The following CAP2 variants were observed in gnomAD, a reference collection of about 807,000 sequenced individuals.
The protein encoded by CAP2 is cyclase associated actin cytoskeleton regulatory protein 2.
A neutral mutation model predicts 57.7 loss-of-function variants in CAP2; 24 were observed. The ratio of observed to expected loss-of-function variants is 0.42; its 90% CI spans 0.30 to 0.58. The LOEUF (loss-of-function observed/expected upper bound fraction) is 0.58, where lower values mean the gene tolerates loss of function less well. CAP2 is among the 20% of genes least tolerant of loss of function. The pLI, the probability that CAP2 is intolerant of heterozygous loss-of-function variation, is 0.22. For synonymous variants in CAP2, 194 were observed against 207.2 expected (o/e 0.94, Z 0.55); for missense variants, 501 against 590.3 (o/e 0.85, Z 1.57).
rs1162541710 is a variant in CAP2, at chr6:17,464,429, C to A, written c.300+1356C>A. On this transcript the variant is annotated intron_variant, in intron 4 of 12. Transcript: ENST00000229922. ...CAGAACTTTGACCTTCAGGGGATGACACTCAGCTCCATAAAGAGGCAAGAC... is the reference window on the plus strand; with the variant it reads ...CAGAACTTTGACCTTCAGGGGATGAAACTCAGCTCCATAAAGAGGCAAGAC... Among the ~76,000 whole-genome samples the A allele has an allele frequency of 9.9e-5, 15 of 152,252 alleles. 1 individual carries two copies. Among genetic ancestry groups the A allele is most frequent in the African/African-American group, 3.6e-4 (15 of 41,532 alleles).
chr6:17,450,934 G>T lies in CAP2; in HGVS notation c.223-12062G>T, dbSNP rs138467640. 2.6e-5 allele frequency among the ~76,000 whole-genome samples: 4 copies of T among 152,310 alleles called. No individual in the cohort carries two copies. In the East Asian group the frequency reaches 5.8e-4, roughly 22 times the overall value. ...TGTGATTTGGTTGGTATTTGAGCAG[G>T]CCAGAGTCTTTAAATTAACTTGTCT... On this transcript the variant is annotated intron_variant, in intron 3 of 12. Coordinates refer to ENST00000229922, the MANE Select transcript of CAP2 (RefSeq NM_006366.3).
chr6:17,543,029 T>C (rs774807895), intron 10 of CAP2, 32 bp from the exon 11 acceptor site: 3 of 1,612,432 alleles, frequency 1.9e-6, no homozygotes, highest in South Asian at 1.1e-5. Context: ...TTTAGTGGAG[T>C]TGGTTTTTTG....
intron 7 of CAP2, among the ~76,000 whole-genome samples, chr6:17,529,733 A>G (rs985164971): frequency 2.6e-5 from 4 of 151,560 alleles, no homozygotes; most frequent in African/African-American, 9.7e-5. Flanking sequence ...TGTGTATAAA[A>G]CATTAGGTCT....
chr6:17,482,188 G>A (rs1761304932), intron 4 of CAP2, among the ~76,000 whole-genome samples: 1 of 152,140 alleles, frequency 6.6e-6, no homozygotes, highest in Non-Finnish European at 1.5e-5. Context: ...AAAGTTAGTG[G>A]CTTAAACAAC....
At chr6:17,437,843 C>T (rs1759937185) in intron 3 of CAP2, among the ~76,000 whole-genome samples, 1 of 152,094 alleles carries the variant, frequency 6.6e-6, no homozygotes, top group South Asian at 2.1e-4. Context: ...CGCCACTGCA[C>T]TCGGTCCAAC....
rs572381358 is a variant in CAP2, at chr6:17,525,963, A to G, written c.636+12009A>G. Among the ~76,000 whole-genome samples, 14 of 152,284 alleles carry G rather than the reference A, an allele frequency of 9.2e-5. 1 individual carries two copies. Among genetic ancestry groups the G allele is most frequent in the African/African-American group, 3.1e-4 (13 of 41,550 alleles). On this transcript the variant is annotated intron_variant, in intron 7 of 12. Coordinates refer to ENST00000229922, the MANE Select transcript of CAP2 (RefSeq NM_006366.3). ...CCTGAGATCAGTAGCAGTGACTGGT[A>G]CCCTGGTTCTGGGACAGCAGTGACT...
In CAP2 at chr6:17,539,362, C is replaced by T. The variant is rs200493371; in HGVS notation, c.730C>T (p.Pro244Ser). The T allele has an allele frequency of 3.1e-6, 5 of 1,614,086 alleles. No homozygotes were observed. The highest frequency in any genetic ancestry group is 4.2e-6 in the Non-Finnish European group (5 of 1,180,024). ...TCCTCCTCTGCCTCCTCCAGGGCCA[C>T]CTCCACTTTTCGAGAATGAAGGCAA... ...PPPPLPPPGP[P>S]PLFENEGKKE... Residue 244 changes from proline to serine, a missense_variant, in exon 8 of 13, where the codon CCT (proline) becomes TCT (serine). By Grantham distance (74) the Pro-to-Ser change is moderately conservative. Transcript: ENST00000229922.
intron 3 of CAP2, among the ~76,000 whole-genome samples, chr6:17,433,351 C>T (rs1759792729): frequency 6.6e-6 from 1 of 152,198 alleles, no homozygotes; most frequent in South Asian, 2.1e-4. Flanking sequence ...GGACTGTAGG[C>T]CTCCACGTTT....
Position 17,556,417 on chromosome 6 carries a change from C to T in CAP2, c.1409C>T (p.Thr470Ile). Reference sequence around the variant, plus strand: ...GCATGGGATGGATCCAAGTTAATCACTGAACCTGCAGAAATTATGGCCTAA... The same window carrying T: ...GCATGGGATGGATCCAAGTTAATCATTGAACCTGCAGAAATTATGGCCTAA... ...KTAWDGSKLITEPAEIMA is the reference protein window; with the variant it reads ...KTAWDGSKLIIEPAEIMA The change falls in exon 13 of 13, where the codon ACT becomes ATT. Residue 470 changes from threonine to isoleucine, a missense_variant. Transcript: ENST00000229922. The T allele has an allele frequency of 1.2e-6, 2 of 1,613,354 alleles. No individual in the cohort carries two copies. The highest frequency in any genetic ancestry group is 1.7e-6 in the Non-Finnish European group (2 of 1,179,264).
At chr6:17,462,871 G>T in intron 3 of CAP2, 125 bp from the exon 4 acceptor site, 1 of 703,998 alleles carries the variant, frequency 1.4e-6, no homozygotes, top group Non-Finnish European at 2.5e-6. Context: ...TCATTTACAA[G>T]TTTTTGTGTG....
rs1228490016 is a variant in CAP2 at position 17,393,764 on chromosome 6, G to C, written c.-2+18G>C. ...CGAAGCAGGTAATCCTGCAGCGGTC[G>C]GGGCCCGGCGAGGCGGGGAGGGGTC... is the stretch of plus-strand genomic sequence containing the variant. On this transcript the variant is annotated intron_variant, in intron 1 of 12. Transcript: ENST00000229922. The C allele has an allele frequency of 6.6e-6, 1 of 151,574 alleles. No individual in the cohort carries two copies. The highest frequency in any genetic ancestry group is 6.6e-5 in the Admixed American group (1 of 15,252). 9.4% of individuals were successfully genotyped at this position (151,574 alleles called of 1,614,324 possible).
At chr6:17,427,900 C>T (rs1759633017) in intron 3 of CAP2, among the ~76,000 whole-genome samples, 1 of 152,178 alleles carries the variant, frequency 6.6e-6, no homozygotes, top group Admixed American at 6.5e-5. Flanking sequence ...CACAAAAAGA[C>T]AAATACTGTA....
Position 17,551,483 on chromosome 6 carries a change from C to T in CAP2, c.1229C>T (p.Thr410Ile), listed in dbSNP as rs953850068. Reference sequence around the variant, plus strand: ...TTTCAGGTAATGGGGAGAGTGCCAACAATTTCCATTAATAAGACAGAAGGT... The same window carrying T: ...TTTCAGGTAATGGGGAGAGTGCCAATAATTTCCATTAATAAGACAGAAGGT... ...IQIQVMGRVPTISINKTEGCH... is the reference protein window; with the variant it reads ...IQIQVMGRVPIISINKTEGCH... The change falls in exon 12 of 13, where the codon ACA (threonine) becomes ATA (isoleucine). Residue 410 changes from threonine to isoleucine, a missense_variant. Thr to Ile is a moderately conservative substitution (Grantham distance 89). Coordinates refer to ENST00000229922, the MANE Select transcript of CAP2 (RefSeq NM_006366.3). 1 of 1,607,306 alleles carries T rather than the reference C, an allele frequency of 6.2e-7. No individual in the cohort carries two copies. Among genetic ancestry groups the T allele is most frequent in the Non-Finnish European group, 8.5e-7 (1 of 1,176,480 alleles).
At chr6:17,477,708 T>G (rs1210777993) in intron 4 of CAP2, among the ~76,000 whole-genome samples, 2 of 152,292 alleles carry the variant, frequency 1.3e-5, no homozygotes, top group South Asian at 4.1e-4. Flanking sequence ...TCCTGACCTA[T>G]CGATTGCTTG....
At chr6:17,470,931 C>T (rs1761001049) in intron 4 of CAP2, among the ~76,000 whole-genome samples, 1 of 152,142 alleles carries the variant, frequency 6.6e-6, no homozygotes, top group South Asian at 2.1e-4. Flanking sequence ...TTTTATTGCA[C>T]TTGGGTATAA....
At chr6:17,395,325 A>G (rs1758639777) in intron 1 of CAP2, among the ~76,000 whole-genome samples, 1 of 152,236 alleles carries the variant, frequency 6.6e-6, no homozygotes, top group African/African-American at 2.4e-5. Context: ...GACAATACCT[A>G]AAGGAATGGT....
intron 7 of CAP2, among the ~76,000 whole-genome samples, chr6:17,516,941 T>G (rs1049027265): frequency 2.0e-5 from 3 of 152,004 alleles, no homozygotes; most frequent in East Asian, 1.9e-4. Flanking sequence ...AGCGGATTGT[T>G]TTTTTTTTCC....
chr6:17,553,438 C>T (rs928547341), intron 12 of CAP2, among the ~76,000 whole-genome samples: 4 of 152,144 alleles, frequency 2.6e-5, no homozygotes, highest in African/African-American at 9.7e-5. Flanking sequence ...TCAAGACCAT[C>T]CTGGCTAACA....
At chr6:17,445,959 T>G (rs1760246321) in intron 3 of CAP2, among the ~76,000 whole-genome samples, 1 of 152,216 alleles carries the variant, frequency 6.6e-6, no homozygotes, top group Non-Finnish European at 1.5e-5. Flanking sequence ...CTTTGAAAAC[T>G]TGTATAGCAG....
Sources: allele counts gnomAD v4.1 joint callset (sites outside exome capture counted in the v4.1 genomes callset), GRCh38; gene constraint gnomAD v4.1.1; transcripts MANE v1.5; gene names NCBI Gene and HGNC (gene_info 2026-07-23, HGNC 2026-07-21).